PPM1L: variants seen among roughly 807,000 people sequenced by gnomAD.
The protein encoded by PPM1L is protein phosphatase 1L.
Under a neutral mutation model 31.4 loss-of-function variants are expected in PPM1L, and 13 were observed. The ratio of observed to expected loss-of-function variants is 0.41; its 90% CI spans 0.27 to 0.66. PPM1L has a LOEUF of 0.66. Ranked by LOEUF, PPM1L falls within the 30% of genes least tolerant of loss-of-function variation. PPM1L has a pLI of 0.29. For missense variants in PPM1L, 326 were observed against 453.7 expected (o/e 0.72, Z 2.56); for synonymous variants, 184 against 175.4 (o/e 1.05, Z -0.39).
intron 2 of PPM1L, among the ~76,000 whole-genome samples, chr3:161,039,476 T>A (rs1215677098): frequency 6.6e-6 from 1 of 152,194 alleles, no homozygotes; most frequent in Non-Finnish European, 1.5e-5. Flanking sequence ...CTTTCAAGGT[T>A]CCAGCCTCAC....
intron 1 of PPM1L, among the ~76,000 whole-genome samples, chr3:160,791,135 A>G: frequency 6.6e-6 from 1 of 152,132 alleles, no homozygotes; most frequent in East Asian, 1.9e-4. Flanking sequence ...TTATAAGGCT[A>G]AGGTCACAAT....
In PPM1L at chr3:161,073,369, T is replaced by C. The variant is rs1719994575; in HGVS notation, c.*4212T>C. ...GAACACCCTTTGGGAAATTCTGGTA[T>C]ATTGAAATATTGCTGTGTTTTCATT... is the stretch of plus-strand genomic sequence containing the variant. On this transcript the variant is annotated 3_prime_UTR_variant, in exon 4 of 4. Transcript: ENST00000498165. 2 of 152,212 alleles carry C rather than the reference T, an allele frequency of 1.3e-5. No homozygotes were observed. The highest frequency in any genetic ancestry group is 6.5e-5 in the Admixed American group (1 of 15,288). 9.4% of individuals were successfully genotyped at this position (152,212 alleles called of 1,614,324 possible).
intron 2 of PPM1L, among the ~76,000 whole-genome samples, chr3:160,978,328 A>T (rs562876250): frequency 1.3e-5 from 2 of 152,298 alleles, no homozygotes; most frequent in East Asian, 3.9e-4. Context: ...TCTCCAGGGG[A>T]GGAAGCAAGC....
At chr3:160,963,719 T>C (rs563149289) in intron 2 of PPM1L, among the ~76,000 whole-genome samples, 5 of 152,132 alleles carry the variant, frequency 3.3e-5, no homozygotes, top group Non-Finnish European at 7.4e-5. Context: ...GCATGAACAT[T>C]AGCTGCAATC....
intron 1 of PPM1L, among the ~76,000 whole-genome samples, chr3:160,943,779 G>A (rs887306073): frequency 6.6e-6 from 1 of 152,106 alleles, no homozygotes; most frequent in African/African-American, 2.4e-5. Flanking sequence ...CCTGAATGTG[G>A]ACATAGATTT....
At chr3:160,993,840 C>T (rs529893609) in intron 2 of PPM1L, among the ~76,000 whole-genome samples, 1 of 152,284 alleles carries the variant, frequency 6.6e-6, no homozygotes, top group Non-Finnish European at 1.5e-5. Flanking sequence ...TGTTTATACC[C>T]TGTCCCCTCT....
In PPM1L at chr3:160,925,439, A is replaced by G. The variant is rs532113971; in HGVS notation, c.400-36297A>G. 1.1e-4 allele frequency among the ~76,000 whole-genome samples: 16 copies of G among 152,312 alleles called. No individual in the cohort carries two copies. The East Asian group carries it at 1.4e-3, about 13-fold the overall frequency. On this transcript the variant is annotated intron_variant, in intron 1 of 3. Coordinates refer to ENST00000498165, the MANE Select transcript of PPM1L (RefSeq NM_139245.4). ...TTTAGGTGATCAAAACATCAATTCA[A>G]TTGAGTTTGGCATATTGTTCTAATG...
Position 160,808,405 on chromosome 3 carries a change from G to GCGCACGCGCA in PPM1L, c.399+51698_399+51699insCGCACGCGCA, listed in dbSNP as rs1560112693. 1.1e-4 allele frequency among the ~76,000 whole-genome samples: 16 copies of GCGCACGCGCA among 148,720 alleles called. 1 individual carries two copies. Among genetic ancestry groups the GCGCACGCGCA allele is most frequent in the Middle Eastern group, 3.5e-3 (1 of 286 alleles). ...TTCCTGTGTGTGTGTGTGTGTGTGT[G>GCGCACGCGCA]TGTGTGTGTGTGTGTGTGGTGGGTG... On this transcript the variant is annotated intron_variant, in intron 1 of 3. Transcript: ENST00000498165.
At chr3:161,028,861 T>G (rs942483187) in intron 2 of PPM1L, among the ~76,000 whole-genome samples, 2 of 152,180 alleles carry the variant, frequency 1.3e-5, no homozygotes, top group South Asian at 2.1e-4. Flanking sequence ...GAGATTGTAC[T>G]CCTTAACATG....
chr3:160,949,192 C>T (rs755632816), intron 1 of PPM1L, among the ~76,000 whole-genome samples: 1 of 152,156 alleles, frequency 6.6e-6, no homozygotes, highest in Non-Finnish European at 1.5e-5. Context: ...AAGCCCTGTC[C>T]TAGTGCCCTT....
At chr3:160,846,964 G>A (rs1248526495) in intron 1 of PPM1L, among the ~76,000 whole-genome samples, 2 of 152,018 alleles carry the variant, frequency 1.3e-5, no homozygotes, top group Non-Finnish European at 2.9e-5. Flanking sequence ...TATGATATAA[G>A]AGGTCAAAAA....
intron 2 of PPM1L, among the ~76,000 whole-genome samples, chr3:161,044,374 T>TTATG (rs1367667534): frequency 2.0e-5 from 3 of 151,102 alleles, no homozygotes; most frequent in African/African-American, 7.3e-5. Flanking sequence ...ATTTATTTAT[T>TTATG]TATTTATTTA....
At chr3:161,058,342 CT>C in intron 2 of PPM1L, among the ~76,000 whole-genome samples, 1 of 151,670 alleles carries the variant, frequency 6.6e-6, no homozygotes, top group East Asian at 1.9e-4. Flanking sequence ...CCAGGCTGGT[CT>C]CGAACTCCTA....
At chr3:161,017,939 C>T (rs1157991680) in intron 2 of PPM1L, among the ~76,000 whole-genome samples, 1 of 152,032 alleles carries the variant, frequency 6.6e-6, no homozygotes, top group African/African-American at 2.4e-5. Flanking sequence ...TAGAAAATTT[C>T]CCCTATTACC....
At chr3:160,793,433 AT>A (rs1359327990) in intron 1 of PPM1L, among the ~76,000 whole-genome samples, 4 of 152,138 alleles carry the variant, frequency 2.6e-5, no homozygotes, top group Non-Finnish European at 5.9e-5. Flanking sequence ...GCATCTACAC[AT>A]TTCTGTCAAG....
chr3:160,824,041 CA>C (rs1420906070), intron 1 of PPM1L, among the ~76,000 whole-genome samples: 1 of 152,104 alleles, frequency 6.6e-6, no homozygotes, highest in Non-Finnish European at 1.5e-5. Flanking sequence ...TATGAGTGTG[CA>C]ATAGATTGAA....
intron 1 of PPM1L, among the ~76,000 whole-genome samples, chr3:160,803,987 C>T (rs1046907785): frequency 3.3e-5 from 5 of 152,146 alleles, no homozygotes; most frequent in Non-Finnish European, 5.9e-5. Context: ...GCGCAATCTC[C>T]GCTCACTGCA....
intron 1 of PPM1L, among the ~76,000 whole-genome samples, chr3:160,778,330 T>C (rs1036103706): frequency 3.9e-5 from 6 of 152,166 alleles, no homozygotes; most frequent in African/African-American, 1.2e-4. Flanking sequence ...ATTTCTAATA[T>C]ATTTTTATAA....
rs140359150 is a variant in PPM1L, at chr3:160,865,679, G to A, written c.400-96057G>A. Among the ~76,000 whole-genome samples the A allele has an allele frequency of 9.1e-4, 138 of 152,298 alleles. No individual in the cohort carries two copies. In the East Asian group the frequency reaches 0.013, roughly 15 times the overall value. ...AGTCCCAGCTACTTGGGAGGCTGAG[G>A]CAAGAGAATTGCTTGAACCTGGGAG... On this transcript the variant is annotated intron_variant, in intron 1 of 3. Coordinates refer to ENST00000498165, the MANE Select transcript of PPM1L (RefSeq NM_139245.4).
Sources: gnomAD v4.1 joint callset for allele counts (sites outside exome capture counted in the v4.1 genomes callset) on GRCh38, gnomAD v4.1.1 for gene constraint, MANE v1.5 for transcripts, NCBI Gene and HGNC (gene_info 2026-07-23, HGNC 2026-07-21) for gene names.